CHTF18: variants seen among roughly 807,000 people sequenced by gnomAD.
CHTF18 encodes chromosome transmission fidelity factor 18.
Under a neutral mutation model 113.4 loss-of-function variants are expected in CHTF18, and 151 were observed. The ratio of observed to expected loss-of-function variants is 1.33; its 90% CI spans 1.17 to 1.52. CHTF18 has a LOEUF of 1.52. Among genes scored for constraint, CHTF18 ranks in the 40% most tolerant of loss-of-function variants. The pLI is 0.00. For synonymous variants in CHTF18, 916 were observed against 598.8 expected, an observed-to-expected ratio of 1.53 and a Z score of -7.74; for missense variants, 1,982 against 1,381.6, an observed-to-expected ratio of 1.43 and a Z score of -6.89.
At chr16:794,399 C>CG (rs1208716156) in intron 15 of CHTF18, among the ~76,000 whole-genome samples, 198 bp downstream of exon 15, 1 of 151,968 alleles carries the variant, frequency 6.6e-6, no homozygotes, top group East Asian at 1.9e-4. Flanking sequence ...CTGCAGGGCA[C>CG]GGGCCGGCAG....
rs534605273 is a variant in CHTF18 at position 792,972 on chromosome 16, C to T, written c.1579C>T (p.Leu527=). Residue 527 remains leucine (L), a synonymous_variant, in exon 13 of 22, where the codon CTG becomes TTG. Transcript: ENST00000262315. ...AGCAGCCCTTCTCCACCAGGTCTCC[C>T]TGCGGCAGGGCATGAGGGCCGACCC... is the stretch of plus-strand genomic sequence containing the variant. The part of the protein sequence containing the change: ...RLVQRLQEVS[L]RQGMRADPGV... The T allele has an allele frequency of 1.9e-6, 3 of 1,557,830 alleles. No individual in the cohort carries two copies. Among genetic ancestry groups the T allele is most frequent in the Admixed American group, 1.9e-5 (1 of 52,474 alleles).
rs1183419277 is a variant in CHTF18 at position 788,635 on chromosome 16, G to C, written c.-50G>C. ...CGCTCGGGGCGGGCAGTGCGCGACG[G>C]CGGCGGCGGCGCGGGAGGTTCGGAG... is the stretch of plus-strand genomic sequence containing the variant. On this transcript the variant is annotated 5_prime_UTR_variant, in exon 1 of 22. Coordinates refer to ENST00000262315, the MANE Select transcript of CHTF18 (RefSeq NM_022092.3). 3 of 1,366,548 alleles carry C rather than the reference G, an allele frequency of 2.2e-6. No individual in the cohort carries two copies. In the South Asian group the frequency reaches 4.6e-5, roughly 21 times the overall value. The allele number at this position is 1,366,548 out of a possible 1,614,324, so 84.7% of individuals were successfully genotyped here.
intron 14 of CHTF18, chr16:793,853 C>T (rs939670728): frequency 4.0e-5 from 26 of 652,922 alleles, no homozygotes; most frequent in East Asian, 3.6e-4. Flanking sequence ...AGTGGGGCTC[C>T]TCGGCTTAAG....
In CHTF18 at chr16:795,583, CG is replaced by C. The variant is rs1423306136; in HGVS notation, c.2176-101del. 2 of 67,868 alleles carry C rather than the reference CG, an allele frequency of 2.9e-5. 1 individual carries two copies. The highest frequency in any genetic ancestry group is 6.3e-4 in the African/African-American group (2 of 3,158). The allele number at this position is 67,868 out of a possible 1,614,324, so 4.2% of individuals were successfully genotyped here. ...GTGTGGCTGCCCCCGGCCCCGTGCC[CG>C]CCCCCCTGTGCTGCCCGTGTGGCTG... On this transcript the variant is annotated intron_variant, in intron 16 of 21. Coordinates refer to ENST00000262315, the MANE Select transcript of CHTF18 (RefSeq NM_022092.3).
At chr16:790,999 C>G in intron 7 of CHTF18, 162 bp from the exon 8 acceptor site, 1 of 1,458,902 alleles carries the variant, frequency 6.9e-7, no homozygotes, top group Non-Finnish European at 9.0e-7. Flanking sequence ...GGTGGAGCCC[C>G]TGGTGTGAGC....
At position 789,028 on chromosome 16, in the gene CHTF18, C is replaced by T. The variant is rs556850027; in HGVS notation, c.189C>T (p.Ser63=). 4 of 1,534,292 alleles carry T rather than the reference C, an allele frequency of 2.6e-6. No individual in the cohort carries two copies. Among genetic ancestry groups the T allele is most frequent in the Admixed American group, 2.0e-5 (1 of 49,290 alleles). Residue 63 remains serine (S), a synonymous_variant, in exon 2 of 22, where the codon TCC becomes TCT. Coordinates refer to ENST00000262315, the MANE Select transcript of CHTF18 (RefSeq NM_022092.3). ...CCCTTGCCAGAGGGGACGCGGCCTC[C>T]AGTCCCGCCCCAGCCGCATCTGTGG... The part of the protein sequence containing the change: ...EEALARGDAA[S]SPAPAASVGS...
rs749297167 is a variant in CHTF18, at chr16:789,123, A to G, written c.284A>G (p.His95Arg). Residue 95 changes from histidine to arginine, a missense_variant and splice_region_variant, in exon 2 of 22, where the codon CAC becomes CGC. Physicochemically the swap from His to Arg is conservative, Grantham distance 29. Transcript: ENST00000262315. ...ADLQPAGSLP[H>R]APRIKRPRLQ... Reference sequence around the variant, plus strand: ...CTGCAGCCGGCCGGGTCCCTGCCCCACGGTAGGTTGGCGGCATTGCCCCAG... The same window carrying G: ...CTGCAGCCGGCCGGGTCCCTGCCCCGCGGTAGGTTGGCGGCATTGCCCCAG... 11 of 1,542,040 alleles carry G rather than the reference A, an allele frequency of 7.1e-6. No homozygotes were observed. The South Asian group carries it at 1.3e-4, about 18-fold the overall frequency.
Position 790,514 on chromosome 16 carries a change from G to C in CHTF18, c.753-11G>C, listed in dbSNP as rs766984099. On this transcript the variant is annotated splice_polypyrimidine_tract_variant and intron_variant, in intron 6 of 21. Transcript: ENST00000262315. ...CGAGTTGTTTGTGGCTCAGGACGTG[G>C]TCCTCTCCAGTCTCAGGTCGGGGGA... 8 of 1,602,976 alleles carry C rather than the reference G, an allele frequency of 5.0e-6. No individual in the cohort carries two copies. The highest frequency in any genetic ancestry group is 4.3e-6 in the Non-Finnish European group (5 of 1,175,694).
chr16:794,051 C>CA lies in CHTF18; in HGVS notation c.1803-2dup. On this transcript the variant is annotated splice_polypyrimidine_tract_variant and splice_region_variant and intron_variant, in intron 14 of 21. Transcript: ENST00000262315. ...CCATCTAGCTTCAGCACCCCACCTG[C>CA]AGGCGCCGTGTGGGCCAGGACCCCG... 6.2e-7 allele frequency: 1 copy of CA among 1,607,620 alleles called. No homozygotes were observed. Among genetic ancestry groups the CA allele is most frequent in the Non-Finnish European group, 8.5e-7 (1 of 1,177,084 alleles).
intron 15 of CHTF18, 105 bp downstream of exon 15, chr16:794,306 G>T: frequency 7.3e-7 from 1 of 1,367,662 alleles, no homozygotes; most frequent in Non-Finnish European, 1.0e-6. Flanking sequence ...GGCGCTTTGG[G>T]GGTGCTGAGA....
Position 793,207 on chromosome 16 carries a change from C to T in CHTF18, c.1735C>T (p.Leu579Phe). 6.2e-7 allele frequency: 1 copy of T among 1,609,354 alleles called. No individual in the cohort carries two copies. Among genetic ancestry groups the T allele is most frequent in the Non-Finnish European group, 8.5e-7 (1 of 1,178,900 alleles). The stretch of plus-strand genomic sequence containing the variant: ...GGACGTGCAGGCCACACGCGTGGGC[C>T]TCAAGGACCAGCGCAGAGGGCTCTT... ...VRDVQATRVGLKDQRRGLFSV... is the reference protein window; with the variant it reads ...VRDVQATRVGFKDQRRGLFSV... The change falls in exon 14 of 22, where the codon CTC becomes TTC. Residue 579 changes from leucine (L) to phenylalanine (F), a missense_variant. Leu to Phe is a conservative substitution (Grantham distance 22). Transcript: ENST00000262315.
Position 795,250 on chromosome 16 carries a change from A to G in CHTF18, c.2069A>G (p.Gln690Arg). The change falls in exon 16 of 22, where the codon CAG becomes CGG. Residue 690 changes from glutamine to arginine, a missense_variant. By Grantham distance (43) the Gln-to-Arg change is conservative. Coordinates refer to ENST00000262315, the MANE Select transcript of CHTF18 (RefSeq NM_022092.3). The stretch of plus-strand genomic sequence containing the variant: ...CTGGCGGGGGCTGCTCATCACAGCC[A>G]GAGCTTCCAGCTGCTGCGCTACCCA... Reference protein sequence around the residue: ...DLLAGAAHHSQSFQLLRYPPF... With the variant: ...DLLAGAAHHSRSFQLLRYPPF... The G allele has an allele frequency of 1.3e-6, 2 of 1,549,556 alleles. No individual in the cohort carries two copies. Among genetic ancestry groups the G allele is most frequent in the Non-Finnish European group, 1.7e-6 (2 of 1,146,920 alleles).
At chr16:789,446 G>A (rs550648997) in intron 3 of CHTF18, 86 bp downstream of exon 3, 2 of 1,536,098 alleles carry the variant, frequency 1.3e-6, no homozygotes, top group South Asian at 1.2e-5. Context: ...TGAGGCCTGG[G>A]GGGTGGGGAG....
rs752093933 is a variant in CHTF18, at chr16:795,184, C to G, written c.2003C>G (p.Ala668Gly). Reference sequence around the variant, plus strand: ...CGGCTGCGAGACTCCAGCCTGGGTGCTGTGTGTGTGGCCCTCGACTGGCTG... The same window carrying G: ...CGGCTGCGAGACTCCAGCCTGGGTGGTGTGTGTGTGGCCCTCGACTGGCTG... Reference protein sequence around the residue: ...RLRLRDSSLGAVCVALDWLAF... With the variant: ...RLRLRDSSLGGVCVALDWLAF... The change falls in exon 16 of 22, where the codon GCT becomes GGT. Residue 668 changes from alanine to glycine, a missense_variant. Coordinates refer to ENST00000262315, the MANE Select transcript of CHTF18 (RefSeq NM_022092.3). 8.9e-5 allele frequency: 138 copies of G among 1,558,788 alleles called. 1 individual carries two copies. Among genetic ancestry groups the G allele is most frequent in the Non-Finnish European group, 1.2e-5 (14 of 1,151,646 alleles).
At chr16:797,472 T>G (rs2042384582) in intron 20 of CHTF18, among the ~76,000 whole-genome samples, 1 of 152,104 alleles carries the variant, frequency 6.6e-6, no homozygotes, top group African/African-American at 2.4e-5. Context: ...CAGTTTCCCA[T>G]CTGGGCAGAA....
Position 788,731 on chromosome 16 carries a change from A to C in CHTF18, c.47A>C (p.His16Pro). The C allele has an allele frequency of 6.2e-7, 1 of 1,603,188 alleles. No individual in the cohort carries two copies. Among genetic ancestry groups the C allele is most frequent in the Non-Finnish European group, 8.5e-7 (1 of 1,176,010 alleles). Residue 16 changes from histidine to proline, a missense_variant, in exon 1 of 22, where the codon CAC becomes CCC. Coordinates refer to ENST00000262315, the MANE Select transcript of CHTF18 (RefSeq NM_022092.3). ...CTGTGCGGCGTCGAGGATGATTTCCACAACCAGTTCGCGGCCGAGCTGGAG... is the reference window on the plus strand; with the variant it reads ...CTGTGCGGCGTCGAGGATGATTTCCCCAACCAGTTCGCGGCCGAGCTGGAG... ...QELCGVEDDF[H>P]NQFAAELEVL...
Position 791,936 on chromosome 16 carries a change from A to T in CHTF18, c.1190A>T (p.Glu397Val). The change falls in exon 9 of 22, where the codon GAG (glutamate) becomes GTG (valine). Residue 397 changes from glutamate to valine, a missense_variant. Coordinates refer to ENST00000262315, the MANE Select transcript of CHTF18 (RefSeq NM_022092.3). ...IARHAGYSVV[E>V]MNASDDRSPE... ...CGTCACGCGGGGTACTCTGTGGTGG[A>T]GATGAACGCCAGGTGAGTGATGTGA... The T allele has an allele frequency of 6.2e-7, 1 of 1,608,602 alleles. No homozygotes were observed. The highest frequency in any genetic ancestry group is 8.5e-7 in the Non-Finnish European group (1 of 1,178,174).
At chr16:790,775 A>G in intron 7 of CHTF18, 109 bp downstream of exon 7, 5 of 1,438,486 alleles carry the variant, frequency 3.5e-6, no homozygotes, top group Non-Finnish European at 4.5e-6. Context: ...TCGGAGACGG[A>G]GTGGGCTCTG....
chr16:797,662 C>A, intron 20 of CHTF18, 32 bp from the exon 21 acceptor site: 1 of 1,609,670 alleles, frequency 6.2e-7, no homozygotes, highest in South Asian at 1.1e-5. Flanking sequence ...GGCATCTGTC[C>A]TATACGACTG....
Sources: allele counts gnomAD v4.1 joint callset (sites outside exome capture counted in the v4.1 genomes callset), GRCh38; gene constraint gnomAD v4.1.1; transcripts MANE v1.5; gene names NCBI Gene and HGNC (gene_info 2026-07-23, HGNC 2026-07-21).